The following ARMC2 variants were observed in gnomAD, a reference collection of about 807,000 sequenced individuals.
The protein encoded by ARMC2 is armadillo repeat containing 2.
ARMC2 carries 67 observed loss-of-function variants against 90.3 expected under a neutral mutation model. That is an observed-to-expected ratio of 0.74 (90% CI 0.61 to 0.91). The LOEUF (loss-of-function observed/expected upper bound fraction) is 0.91, where lower values mean the gene tolerates loss of function less well. Among genes scored for constraint, ARMC2 ranks in the 40% least tolerant of loss-of-function variants. The probability of loss-of-function intolerance (pLI) is 0.00; values close to 1 mark genes in which losing one functional copy is unlikely to be tolerated. For missense variants in ARMC2, 920 were observed against 1,030.9 expected (o/e 0.89, Z 1.47); for synonymous variants, 393 against 393.0 (o/e 1.00, Z 0.00).
At chr6:109,017,477 G>A in the ARMC2 span, among the ~76,000 whole-genome samples, 1 of 152,056 alleles carries the variant, frequency 6.6e-6, no homozygotes, top group Admixed American at 6.6e-5. Context: ...AGTAGAGACG[G>A]GGTTTCACCA....
chr6:108,980,602 G>C, the ARMC2 span, among the ~76,000 whole-genome samples: 1 of 151,286 alleles, frequency 6.6e-6, no homozygotes, highest in Non-Finnish European at 1.5e-5. Flanking sequence ...TGCACCCACA[G>C]CCGCCCCTTC....
chr6:108,950,034 C>A (rs551562362), intron 12 of ARMC2, among the ~76,000 whole-genome samples: 1 of 152,092 alleles, frequency 6.6e-6, no homozygotes, highest in Non-Finnish European at 1.5e-5. Flanking sequence ...GGTGAAACCG[C>A]GTCTCTACTA....
At chr6:109,039,073 AAAGGAGGGAGGAAAAGGAG>A in the ARMC2 span, among the ~76,000 whole-genome samples, 1 of 150,570 alleles carries the variant, frequency 6.6e-6, no homozygotes, top group South Asian at 2.1e-4. Flanking sequence ...AAGGAGGAAG[AAAGGAGGGAGGAAAAGGAG>A]AAGGAGGGAG....
In ARMC2 at chr6:108,973,481, C is replaced by G. The variant is rs776489504; in HGVS notation, c.2571C>G (p.Thr857=). Residue 857 remains threonine, a synonymous_variant, in exon 18 of 18, where the codon ACC becomes ACG. Transcript: ENST00000392644. ...TAAACCGAATTCAGAGACATCACAC[C>G]TTCCTGGAACCCCTGCCCATTCCCT... The part of the protein sequence containing the change: ...QLLNRIQRHH[T]FLEPLPIPSF The G allele has an allele frequency of 1.6e-5, 26 of 1,613,564 alleles. No individual in the cohort carries two copies. The highest frequency in any genetic ancestry group is 2.2e-5 in the South Asian group (2 of 91,036).
chr6:108,921,235 A>G (rs573515964), intron 10 of ARMC2, among the ~76,000 whole-genome samples: 4 of 152,334 alleles, frequency 2.6e-5, no homozygotes. Context: ...AGCCACAACT[A>G]GAAGAATCAG....
chr6:109,035,973 T>C, the ARMC2 span, among the ~76,000 whole-genome samples: 1 of 152,176 alleles, frequency 6.6e-6, no homozygotes. Flanking sequence ...GCATAGTAAT[T>C]GCCCTCCTTA....
the ARMC2 span, chr6:108,998,845 T>G: frequency 7.1e-7 from 1 of 1,399,558 alleles, no homozygotes; most frequent in Non-Finnish European, 9.6e-7. Context: ...ATTGAAAACA[T>G]GAGTCATCAT....
At chr6:109,010,651 TAATA>T in the ARMC2 span, among the ~76,000 whole-genome samples, 26 of 152,160 alleles carry the variant, frequency 1.7e-4, no homozygotes, top group South Asian at 1.0e-3. Flanking sequence ...ATTTATCTCC[TAATA>T]AATAAGATAA....
chr6:108,867,430 A>G (rs1775927649), intron 3 of ARMC2, among the ~76,000 whole-genome samples: 2 of 152,150 alleles, frequency 1.3e-5, no homozygotes, highest in African/African-American at 4.8e-5. Context: ...AGATGGGGGA[A>G]AAAATAGGGA....
intron 7 of ARMC2, among the ~76,000 whole-genome samples, chr6:108,900,000 A>G (rs888212180): frequency 2.6e-5 from 4 of 152,188 alleles, no homozygotes; most frequent in African/African-American, 9.7e-5. Flanking sequence ...TAGTAAGATT[A>G]TGCTTTAAAT....
At chr6:108,857,575 G>A (rs1774777677) in intron 2 of ARMC2, among the ~76,000 whole-genome samples, 1 of 152,164 alleles carries the variant, frequency 6.6e-6, no homozygotes. Context: ...GGACATCCTT[G>A]CCTTCTTCCT....
At chr6:108,960,962 G>A (rs886494810) in intron 13 of ARMC2, among the ~76,000 whole-genome samples, 5 of 152,288 alleles carry the variant, frequency 3.3e-5, no homozygotes, top group East Asian at 1.9e-4. Flanking sequence ...CAGTCTATTC[G>A]TGGGTTATGA....
intron 10 of ARMC2, among the ~76,000 whole-genome samples, chr6:108,914,388 C>G (rs1308670693): frequency 4.6e-5 from 7 of 152,170 alleles, no homozygotes; most frequent in Non-Finnish European, 1.0e-4. Context: ...CCCTCCTTTC[C>G]TGACATTTGT....
rs1025468610 is a variant in ARMC2 at position 108,907,963 on chromosome 6, T to C, written c.1024-2936T>C. The C allele has an allele frequency of 2.0e-5, 22 of 1,115,980 alleles. No individual in the cohort carries two copies. The Admixed American group carries it at 5.6e-4, about 28-fold the overall frequency. The allele number at this position is 1,115,980 out of a possible 1,614,324, so 69.1% of individuals were successfully genotyped here. A position where few individuals can be genotyped will look rare whatever the true frequency, so the allele number is the denominator to read the frequency against. On this transcript the variant is annotated intron_variant, in intron 8 of 17. Transcript: ENST00000392644. Reference sequence around the variant, plus strand: ...AAACAATATTATTTTAAATACCTAATCATTAAACATTTATTAAGGTTCCCA... The same window carrying C: ...AAACAATATTATTTTAAATACCTAACCATTAAACATTTATTAAGGTTCCCA...
At chr6:108,985,489 C>T in the ARMC2 span, among the ~76,000 whole-genome samples, 7 of 152,224 alleles carry the variant, frequency 4.6e-5, no homozygotes, top group Non-Finnish European at 1.5e-5. Context: ...TGAGAAAACA[C>T]TCCAACAGGA....
chr6:109,029,284 T>C, the ARMC2 span, among the ~76,000 whole-genome samples: 276 of 152,278 alleles, frequency 1.8e-3, 1 homozygote, highest in Admixed American at 4.0e-3. Flanking sequence ...TTAGGAACAA[T>C]AGAAATCACG....
At chr6:108,856,309 TG>T (rs1774603495) in intron 2 of ARMC2, 1 of 152,230 alleles carries the variant, frequency 6.6e-6, no homozygotes, top group Non-Finnish European at 1.5e-5. Flanking sequence ...GTCCCAGCAC[TG>T]TTTTTTTTTT....
chr6:108,905,027 G>C (rs1051513233), intron 8 of ARMC2, among the ~76,000 whole-genome samples: 2 of 152,102 alleles, frequency 1.3e-5, no homozygotes, highest in Admixed American at 1.3e-4. Flanking sequence ...TGTTTGAGGG[G>C]AGCACTTTGT....
intron 8 of ARMC2, among the ~76,000 whole-genome samples, chr6:108,906,605 C>T (rs542724459): frequency 3.0e-4 from 45 of 152,142 alleles, no homozygotes; most frequent in African/African-American, 1.0e-3. Context: ...CTCAGCCTCC[C>T]GAGGAGCTTA....
Sources: gnomAD v4.1 joint callset for allele counts (sites outside exome capture counted in the v4.1 genomes callset) on GRCh38, gnomAD v4.1.1 for gene constraint, MANE v1.5 for transcripts, NCBI Gene and HGNC (gene_info 2026-07-23, HGNC 2026-07-21) for gene names.